The following DNAH12 variants were observed in gnomAD, a reference collection of about 807,000 sequenced individuals.
The protein encoded by DNAH12 is dynein axonemal heavy chain 12.
In DNAH12, 285 loss-of-function variants were observed where a neutral mutation model predicts 371.5. The observed-to-expected ratio is 0.77, with a 90% CI of 0.70 to 0.85. The LOEUF (loss-of-function observed/expected upper bound fraction) is 0.85. Among genes scored for constraint, DNAH12 ranks in the 40% least tolerant of loss-of-function variants. The pLI, the probability that DNAH12 is intolerant of heterozygous loss-of-function variation, is 0.00. For synonymous variants in DNAH12, 1,200 were observed against 1,213.0 expected (o/e 0.99, Z 0.22); for missense variants, 3,611 against 3,689.4 (o/e 0.98, Z 0.55).
At chr3:57,320,452 G>A (rs941898283) in intron 65 of DNAH12, among the ~76,000 whole-genome samples, 11 of 152,116 alleles carry the variant, frequency 7.2e-5, no homozygotes, top group Non-Finnish European at 1.0e-4. Flanking sequence ...TAATTCAAAC[G>A]CCCAAGATAT....
intron 11 of DNAH12, among the ~76,000 whole-genome samples, chr3:57,490,640 T>C (rs1173163782): frequency 6.6e-6 from 1 of 152,142 alleles, no homozygotes; most frequent in Non-Finnish European, 1.5e-5. Context: ...TCAGGAGAAC[T>C]TTCCTTCATG....
At position 57,323,569 on chromosome 3, in the gene DNAH12, A is replaced by G. The variant is rs1360304975; in HGVS notation, c.10029T>C (p.Phe3343=). Residue 3343 remains phenylalanine, a synonymous_variant, in exon 63 of 74, where the codon TTT becomes TTC. Coordinates refer to ENST00000495027, the MANE Select transcript of DNAH12 (RefSeq NM_001366028.2). The part of the protein sequence containing the change: ...NYVTDKLGKK[F]VEPPPFDLTK... Reference sequence around the variant, plus strand: ...TCAAATCAAATGGTGGAGGCTCTACAAACTTTTTCCCTAGTTTGTCAGTTA... The same window carrying G: ...TCAAATCAAATGGTGGAGGCTCTACGAACTTTTTCCCTAGTTTGTCAGTTA... 6.4e-7 allele frequency: 1 copy of G among 1,550,500 alleles called. No individual in the cohort carries two copies. Among genetic ancestry groups the G allele is most frequent in the South Asian group, 1.2e-5 (1 of 83,698 alleles).
At chr3:57,512,847 T>C (rs2068047412) in intron 4 of DNAH12, among the ~76,000 whole-genome samples, 2 of 151,992 alleles carry the variant, frequency 1.3e-5, no homozygotes, top group South Asian at 2.1e-4. Context: ...ATAAATAAAA[T>C]GTGGTACATG....
At chr3:57,518,332 T>A (rs986734945) in intron 4 of DNAH12, among the ~76,000 whole-genome samples, 2 of 151,994 alleles carry the variant, frequency 1.3e-5, no homozygotes, top group African/African-American at 2.4e-5. Context: ...TGAGACCAGC[T>A]TGGCCAACAT....
intron 9 of DNAH12, among the ~76,000 whole-genome samples, chr3:57,502,893 T>C (rs1211147165): frequency 1.3e-5 from 2 of 152,020 alleles, no homozygotes; most frequent in African/African-American, 4.8e-5. Context: ...TTGGTAAGGC[T>C]GGTCTCGAAC....
At chr3:57,429,627 T>C (rs1488474429) in intron 33 of DNAH12, 64 bp downstream of exon 33, 6 of 1,427,264 alleles carry the variant, frequency 4.2e-6, no homozygotes, top group East Asian at 2.5e-5. Flanking sequence ...TAAAAAATAC[T>C]TATTGGCTAA....
At chr3:57,296,313 TGAA>T in intron 72 of DNAH12, 28 bp downstream of exon 72, 1 of 1,487,876 alleles carries the variant, frequency 6.7e-7, no homozygotes, top group Non-Finnish European at 9.1e-7. Context: ...CAGCTACAAA[TGAA>T]GAGGTCCTGG....
At position 57,471,518 on chromosome 3, in the gene DNAH12, C is replaced by A. The variant is rs752914975; in HGVS notation, c.1865G>T (p.Arg622Leu). 6 of 1,548,852 alleles carry A rather than the reference C, an allele frequency of 3.9e-6. No individual in the cohort carries two copies. The highest frequency in any genetic ancestry group is 1.2e-5 in the South Asian group (1 of 83,498). ...TGCAAATTCTGTAAACTCCTCCATG[C>A]GGCGTGATTCTTTTTCTATTTCCAA... The part of the protein sequence containing the change: ...LILEIEKESR[R>L]MEEFTEFAEL... The change falls in exon 15 of 74, where the codon CGC (arginine) becomes CTC (leucine). Residue 622 changes from arginine to leucine, a missense_variant. By Grantham distance (102) the Arg-to-Leu change is moderately radical. Coordinates refer to ENST00000495027, the MANE Select transcript of DNAH12 (RefSeq NM_001366028.2).
chr3:57,504,369 A>ATG lies in DNAH12; in HGVS notation c.898-167_898-166dup, dbSNP rs1451922946. ...TATCTTCATTCAGCATACTATATAT[A>ATG]TGTGTGTATACATACATGCACACAC... On this transcript the variant is annotated intron_variant, in intron 8 of 73. Transcript: ENST00000495027. Among the ~76,000 whole-genome samples the ATG allele has an allele frequency of 5.9e-5, 9 of 152,000 alleles. No individual in the cohort carries two copies. In the East Asian group the frequency reaches 1.7e-3, roughly 29 times the overall value.
intron 25 of DNAH12, among the ~76,000 whole-genome samples, chr3:57,447,958 A>G (rs11130582): frequency 0.42 from 64,536 of 152,088 alleles, 15,287 homozygotes; most frequent in South Asian, 0.57. Flanking sequence ...TATAGGCATG[A>G]GCTACCACAC....
At chr3:57,336,193 A>G (rs1553653630) in intron 60 of DNAH12, among the ~76,000 whole-genome samples, 1 of 152,226 alleles carries the variant, frequency 6.6e-6, no homozygotes, top group Non-Finnish European at 1.5e-5. Flanking sequence ...TTAACTACCT[A>G]AAAGAGTGAA....
chr3:57,331,931 T>C (rs1046327495), intron 62 of DNAH12, among the ~76,000 whole-genome samples: 1 of 152,148 alleles, frequency 6.6e-6, no homozygotes, highest in Non-Finnish European at 1.5e-5. Flanking sequence ...CTCATCACCC[T>C]GGCCTGCTTT....
chr3:57,422,471 G>C (rs968465076), intron 35 of DNAH12, among the ~76,000 whole-genome samples: 2 of 152,024 alleles, frequency 1.3e-5, no homozygotes, highest in Non-Finnish European at 2.9e-5. Context: ...TGGGATTACA[G>C]GTGTGAGACA....
intron 13 of DNAH12, among the ~76,000 whole-genome samples, chr3:57,476,366 C>G (rs1016082732): frequency 2.0e-5 from 3 of 152,052 alleles, no homozygotes; most frequent in African/African-American, 7.2e-5. Context: ...GAGTTCGAGA[C>G]CAGCCTGGCC....
chr3:57,404,572 T>C (rs963526254), intron 42 of DNAH12, among the ~76,000 whole-genome samples: 2 of 151,800 alleles, frequency 1.3e-5, no homozygotes, highest in Non-Finnish European at 2.9e-5. Flanking sequence ...AAAAAAAAAT[T>C]AGCCAGGCAT....
chr3:57,472,619 T>A lies in DNAH12; in HGVS notation c.1703A>T (p.Glu568Val). 1 of 1,551,158 alleles carries A rather than the reference T, an allele frequency of 6.4e-7. No homozygotes were observed. The highest frequency in any genetic ancestry group is 8.7e-7 in the Non-Finnish European group (1 of 1,146,790). The change falls in exon 14 of 74, where the codon GAA becomes GTA. Residue 568 changes from glutamate (E) to valine (V), a missense_variant. By Grantham distance (121) the Glu-to-Val change is moderately radical. This residue lies in a region of DNAH12 where 1,314 missense variants were observed against 1,398.7 expected (regional missense o/e 0.94). Transcript: ENST00000495027. ...GACAGTTGCATTTAAAGCTAAGTCT[T>A]CTTGAGGAAATAGGAAAACATCTAA... Reference protein sequence around the residue: ...YFLDVFLFPQEDLALNATVLM... With the variant: ...YFLDVFLFPQVDLALNATVLM...
chr3:57,476,235 T>C (rs2066518475), intron 13 of DNAH12, among the ~76,000 whole-genome samples: 1 of 152,018 alleles, frequency 6.6e-6, no homozygotes, highest in Non-Finnish European at 1.5e-5. Context: ...GTTTAAGTTG[T>C]ATAACTATAA....
At position 57,502,337 on chromosome 3, in the gene DNAH12, T is replaced by C; in HGVS notation, c.1229A>G (p.His410Arg). Residue 410 changes from histidine to arginine, a missense_variant, in exon 10 of 74, where the codon CAT becomes CGT. Transcript: ENST00000495027. Reference protein sequence around the residue: ...VHRNLEGARKHYETYVEKYNW... With the variant: ...VHRNLEGARKRYETYVEKYNW... ...GTCATACACACCATATGTCTCATAA[T>C]GCTTTCTTGCACCTTCTAAGTTCCG... is the stretch of plus-strand genomic sequence containing the variant. 3 of 1,614,120 alleles carry C rather than the reference T, an allele frequency of 1.9e-6. No homozygotes were observed. The highest frequency in any genetic ancestry group is 2.5e-6 in the Non-Finnish European group (3 of 1,179,996).
chr3:57,416,311 C>CA (rs2064374762), intron 37 of DNAH12, among the ~76,000 whole-genome samples: 1 of 152,062 alleles, frequency 6.6e-6, no homozygotes, highest in Non-Finnish European at 1.5e-5. Flanking sequence ...ATGCTGGTCT[C>CA]AAACTCTTGG....
Sources: gnomAD v4.1 joint callset for allele counts (sites outside exome capture counted in the v4.1 genomes callset) on GRCh38, gnomAD v4.1.1 for gene constraint, gnomAD v4.1.1 regional missense constraint, MANE v1.5 for transcripts, NCBI Gene and HGNC (gene_info 2026-07-23, HGNC 2026-07-21) for gene names.